Variants in TRPM6 observed in about 807,000 individuals in gnomAD.
TRPM6 encodes transient receptor potential cation channel subfamily M member 6, also known as channel kinase 2.
A neutral mutation model predicts 247.6 loss-of-function variants in TRPM6; 111 were observed. That is an observed-to-expected ratio of 0.45 (90% CI 0.38 to 0.52). The LOEUF (loss-of-function observed/expected upper bound fraction) is 0.52, where lower values mean the gene tolerates loss of function less well. TRPM6 is among the 20% of genes least tolerant of loss of function. TRPM6 has a pLI of 0.00. For missense variants in TRPM6, 2,126 were observed against 2,421.5 expected, an observed-to-expected ratio of 0.88 and a Z score of 2.56; for synonymous variants, 892 against 853.8, an observed-to-expected ratio of 1.04 and a Z score of -0.78.
chr9:74,766,499 A>G (rs1826828342), intron 25 of TRPM6, among the ~76,000 whole-genome samples: 1 of 152,214 alleles, frequency 6.6e-6, no homozygotes, highest in Non-Finnish European at 1.5e-5. Flanking sequence ...GAAAATCACC[A>G]TATTCACTGA....
chr9:74,887,146 G>A (rs1432124673), intron 1 of TRPM6: 3 of 819,260 alleles, frequency 3.7e-6, no homozygotes. Flanking sequence ...GCGGTGGAGA[G>A]GAGCCAGCGG....
intron 24 of TRPM6, among the ~76,000 whole-genome samples, chr9:74,775,164 T>C (rs1315387944): frequency 6.6e-6 from 1 of 152,216 alleles, no homozygotes; most frequent in Admixed American, 6.5e-5. Context: ...TCAAAATATA[T>C]AAGCTTATGA....
In TRPM6 at chr9:74,742,875, C is replaced by G. The variant is rs184159606; in HGVS notation, c.5135-249G>C. Among the ~76,000 whole-genome samples, 6 of 152,270 alleles carry G rather than the reference C, an allele frequency of 3.9e-5. No individual in the cohort carries two copies. In the East Asian group the frequency reaches 1.2e-3, roughly 29 times the overall value. Reference sequence around the variant, plus strand: ...ATGGTCTGAGGTAGGACTATCACCTCCACTCTCCTGAATACCAAATCACAT... The same window carrying G: ...ATGGTCTGAGGTAGGACTATCACCTGCACTCTCCTGAATACCAAATCACAT... On this transcript the variant is annotated intron_variant, in intron 32 of 38. Coordinates refer to ENST00000360774, the MANE Select transcript of TRPM6 (RefSeq NM_017662.5).
chr9:74,860,015 T>A (rs1830647812), intron 1 of TRPM6, among the ~76,000 whole-genome samples: 1 of 152,204 alleles, frequency 6.6e-6, no homozygotes, highest in East Asian at 1.9e-4. Flanking sequence ...GCTCAGTGGA[T>A]CTTGTCCAAC....
At chr9:74,872,600 T>TTTTGTGTGTGTGTG (rs1554737834) in intron 1 of TRPM6, among the ~76,000 whole-genome samples, 4 of 150,194 alleles carry the variant, frequency 2.7e-5, no homozygotes, top group Non-Finnish European at 5.9e-5. Context: ...CCAGCAAATT[T>TTTTGTGTGTGTGTG]TGTGTGTGTG....
intron 3 of TRPM6, among the ~76,000 whole-genome samples, chr9:74,853,077 G>A (rs1357382884): frequency 1.3e-5 from 2 of 151,986 alleles, no homozygotes; most frequent in East Asian, 1.9e-4. Context: ...CGTCTGGGAT[G>A]TGAGGAGCGC....
intron 31 of TRPM6, 105 bp from the exon 32 acceptor site, chr9:74,744,250 T>C: frequency 7.9e-7 from 1 of 1,263,328 alleles, no homozygotes; most frequent in Non-Finnish European, 1.2e-6. Flanking sequence ...TTAATCAGAA[T>C]GGCTTCTCAG....
intron 1 of TRPM6, among the ~76,000 whole-genome samples, chr9:74,869,639 G>A (rs1830962992): frequency 6.6e-6 from 1 of 152,000 alleles, no homozygotes; most frequent in Admixed American, 6.6e-5. Context: ...AGAAGGAGCA[G>A]GTTCTAATGC....
intron 1 of TRPM6, among the ~76,000 whole-genome samples, chr9:74,879,836 A>C (rs1287995323): frequency 6.6e-6 from 1 of 152,136 alleles, no homozygotes; most frequent in Non-Finnish European, 1.5e-5. Context: ...GTGTTTCCCT[A>C]AGTTCTGTGA....
chr9:74,855,707 C>A, intron 2 of TRPM6, 142 bp from the exon 3 acceptor site: 1 of 682,128 alleles, frequency 1.5e-6, no homozygotes, highest in East Asian at 2.7e-5. Context: ...CCAAATATTC[C>A]ATTATGGCAT....
At chr9:74,768,937 T>A (rs1173726585) in intron 25 of TRPM6, among the ~76,000 whole-genome samples, 1 of 152,178 alleles carries the variant, frequency 6.6e-6, no homozygotes, top group East Asian at 1.9e-4. Context: ...CCTGTCCACA[T>A]CTCATCTGTT....
At chr9:74,745,309 A>G (rs562738250) in intron 31 of TRPM6, among the ~76,000 whole-genome samples, 141 of 152,360 alleles carry the variant, frequency 9.3e-4, no homozygotes, top group South Asian at 7.0e-3. Context: ...TTTATTCAAT[A>G]TACATTTATT....
At chr9:74,877,434 G>A (rs1489415845) in intron 1 of TRPM6, among the ~76,000 whole-genome samples, 1 of 152,128 alleles carries the variant, frequency 6.6e-6, no homozygotes, top group East Asian at 1.9e-4. Context: ...ACCATGTGAT[G>A]GCATTGCTCC....
At chr9:74,834,382 C>T (rs945516992) in intron 5 of TRPM6, among the ~76,000 whole-genome samples, 23 of 152,084 alleles carry the variant, frequency 1.5e-4, no homozygotes, top group African/African-American at 3.4e-4. Flanking sequence ...ACTTCAGATC[C>T]GATCCTACTC....
At chr9:74,749,655 G>A (rs1324694290) in intron 30 of TRPM6, among the ~76,000 whole-genome samples, 1 of 152,222 alleles carries the variant, frequency 6.6e-6, no homozygotes, top group Non-Finnish European at 1.5e-5. Flanking sequence ...CCACAGGCGA[G>A]TCTGAATAAA....
Position 74,763,001 on chromosome 9 carries a change from C to T in TRPM6, c.3670G>A (p.Val1224Ile), listed in dbSNP as rs1436505710. Reference protein sequence around the residue: ...LSALTVDTLKVLSAVDTLQED... With the variant: ...LSALTVDTLKILSAVDTLQED... ...TGCAAAGTGTCAACAGCAGAAAGGACTTTCAGGGTATCCACAGTCAGGGCA... is the reference window on the plus strand; with the variant it reads ...TGCAAAGTGTCAACAGCAGAAAGGATTTTCAGGGTATCCACAGTCAGGGCA... The change falls in exon 26 of 39, where the codon GTC (valine) becomes ATC (isoleucine). Residue 1224 changes from valine (V) to isoleucine (I), a missense_variant. Val to Ile is a conservative substitution (Grantham distance 29). Transcript: ENST00000360774. 4.3e-6 allele frequency: 7 copies of T among 1,613,594 alleles called. No individual in the cohort carries two copies. The highest frequency in any genetic ancestry group is 2.2e-5 in the East Asian group (1 of 44,872).
At chr9:74,830,749 GTTTTTTTTTTTTTTTT>G (rs71368685) in intron 6 of TRPM6, among the ~76,000 whole-genome samples, 6 of 87,264 alleles carry the variant, frequency 6.9e-5, no homozygotes, top group African/African-American at 3.1e-4. Flanking sequence ...GCTAATTTTT[GTTTTTTTTTTTTTTTT>G]TTTTTTTTTT....
chr9:74,792,860 T>C (rs1163805508), intron 18 of TRPM6, 90 bp from the exon 19 acceptor site: 8 of 1,288,184 alleles, frequency 6.2e-6, no homozygotes, highest in Non-Finnish European at 8.8e-6. Flanking sequence ...ATAAATAATA[T>C]ATTAGAAATT....
At position 74,789,960 on chromosome 9, in the gene TRPM6, C is replaced by CAA. The variant is rs71368680; in HGVS notation, c.2539-1220_2539-1219dup. Reference sequence around the variant, plus strand: ...TGGGTGACAGAGCAAGACTCCATCTCAAAAAAAAAAAAAAAAAAAAAAAAA... The same window carrying CAA: ...TGGGTGACAGAGCAAGACTCCATCTCAAAAAAAAAAAAAAAAAAAAAAAAAAA... On this transcript the variant is annotated intron_variant, in intron 19 of 38. Transcript: ENST00000360774. 3.2e-3 allele frequency among the ~76,000 whole-genome samples: 208 copies of CAA among 65,076 alleles called. 10 individuals carry two copies. Among genetic ancestry groups the CAA allele is most frequent in the African/African-American group, 6.0e-3 (94 of 15,550 alleles). The allele number at this position is 65,076 out of a possible 152,430, so 42.7% of individuals were successfully genotyped here. A position where few individuals can be genotyped will look rare whatever the true frequency, so the allele number is the denominator to read the frequency against.
Sources: gnomAD v4.1 joint callset for allele counts (sites outside exome capture counted in the v4.1 genomes callset) on GRCh38, gnomAD v4.1.1 for gene constraint, MANE v1.5 for transcripts, NCBI Gene and HGNC (gene_info 2026-07-23, HGNC 2026-07-21) for gene names.